The following TAFA5 variants were observed in gnomAD, a reference collection of about 807,000 sequenced individuals.
The protein encoded by TAFA5 is TAFA chemokine like family member 5.
Under a neutral mutation model 15.3 loss-of-function variants are expected in TAFA5, and 6 were observed. That is an observed-to-expected ratio of 0.39 (90% CI 0.21 to 0.77). The LOEUF (loss-of-function observed/expected upper bound fraction) is 0.77. TAFA5 is among the 30% of genes least tolerant of loss of function. The pLI is 0.41. For synonymous variants in TAFA5, 103 were observed against 80.7 expected (o/e 1.28, Z -1.48); for missense variants, 161 against 193.1 (o/e 0.83, Z 0.98).
At chr22:48,574,991 G>C (rs1313860510) in intron 1 of TAFA5, among the ~76,000 whole-genome samples, 1 of 152,224 alleles carries the variant, frequency 6.6e-6, no homozygotes, top group Non-Finnish European at 1.5e-5. Context: ...CTGGAGGGTG[G>C]TACACAGTAG....
At chr22:48,633,908 C>T (rs890775033) in intron 1 of TAFA5, among the ~76,000 whole-genome samples, 6 of 152,206 alleles carry the variant, frequency 3.9e-5, no homozygotes, top group Non-Finnish European at 5.9e-5. Flanking sequence ...GTTTATTTCT[C>T]ACAATCGTGG....
At chr22:48,574,506 A>G (rs1923692365) in intron 1 of TAFA5, among the ~76,000 whole-genome samples, 2 of 152,066 alleles carry the variant, frequency 1.3e-5, no homozygotes, top group South Asian at 4.2e-4. Flanking sequence ...GCCTTGATCT[A>G]TCTGACCTCC....
At chr22:48,572,605 C>CT (rs961502791) in intron 1 of TAFA5, among the ~76,000 whole-genome samples, 9 of 152,128 alleles carry the variant, frequency 5.9e-5, no homozygotes, top group Admixed American at 3.9e-4. Context: ...AGGTTCCTGG[C>CT]TTTTTTTGTG....
chr22:48,696,057 C>G (rs1928701276), intron 2 of TAFA5, among the ~76,000 whole-genome samples: 1 of 152,164 alleles, frequency 6.6e-6, no homozygotes, highest in Admixed American at 6.5e-5. Flanking sequence ...CCCCGGACCC[C>G]TGGTCCGTAG....
chr22:48,612,799 G>C (rs1202149548), intron 1 of TAFA5, among the ~76,000 whole-genome samples: 3 of 152,172 alleles, frequency 2.0e-5, no homozygotes, highest in African/African-American at 7.2e-5. Flanking sequence ...GCCCGCTGAT[G>C]TGTCTCCATG....
chr22:48,580,750 G>A (rs1924006884), intron 1 of TAFA5, among the ~76,000 whole-genome samples: 1 of 152,206 alleles, frequency 6.6e-6, no homozygotes, highest in African/African-American at 2.4e-5. Context: ...GTCTTGGCAT[G>A]GGGCTGCCCC....
chr22:48,717,797 A>G (rs1413300292), intron 3 of TAFA5, among the ~76,000 whole-genome samples: 1 of 152,214 alleles, frequency 6.6e-6, no homozygotes, highest in Non-Finnish European at 1.5e-5. Flanking sequence ...GTGATGGCCC[A>G]GTTGAATTGG....
intron 2 of TAFA5, among the ~76,000 whole-genome samples, chr22:48,670,886 C>A (rs1341539717): frequency 6.6e-6 from 1 of 152,166 alleles, no homozygotes; most frequent in Non-Finnish European, 1.5e-5. Flanking sequence ...AGGGAAACAC[C>A]GTTCCCAAAG....
intron 3 of TAFA5, among the ~76,000 whole-genome samples, chr22:48,744,098 T>C (rs1311100437): frequency 3.9e-5 from 6 of 152,218 alleles, no homozygotes; most frequent in Non-Finnish European, 1.5e-5. Flanking sequence ...CCTGCACTTG[T>C]GCAGCCCCAC....
Position 48,750,699 on chromosome 22 carries a change from C to A in TAFA5, c.*852C>A, listed in dbSNP as rs972176456. ...GATAGTTGGATAATCCAGTATCTGC[C>A]AAGAGCATGTTGGGTCTCCCGTGAC... On this transcript the variant is annotated 3_prime_UTR_variant, in exon 4 of 4. Coordinates refer to ENST00000402357, the MANE Select transcript of TAFA5 (RefSeq NM_001082967.3). 7 of 153,052 alleles carry A rather than the reference C, an allele frequency of 4.6e-5. No individual in the cohort carries two copies. The highest frequency in any genetic ancestry group is 1.7e-4 in the African/African-American group (7 of 41,442). 9.5% of individuals were successfully genotyped at this position (153,052 alleles called of 1,614,324 possible).
intron 1 of TAFA5, chr22:48,539,414 G>A (rs780659843): frequency 2.1e-6 from 1 of 471,102 alleles, no homozygotes; most frequent in East Asian, 6.9e-5. Flanking sequence ...CTGTTTCCCA[G>A]GCAGGAAAAG....
intron 1 of TAFA5, among the ~76,000 whole-genome samples, chr22:48,605,194 AATGGTGATGATGGTGGTGATGGTGG>A (rs1925120415): frequency 3.1e-3 from 2 of 650 alleles, no homozygotes; most frequent in Non-Finnish European, 2.3e-3. Context: ...TGGTGGTGGT[AATGGTGATGATGGTGGTGATGGTGG>A]TGATGGTGAT....
intron 1 of TAFA5, among the ~76,000 whole-genome samples, chr22:48,604,792 G>A (rs1325158615): frequency 6.6e-6 from 1 of 152,190 alleles, no homozygotes; most frequent in Non-Finnish European, 1.5e-5. Context: ...GGCAGGCTGG[G>A]GGCCTCTCTA....
intron 1 of TAFA5, among the ~76,000 whole-genome samples, chr22:48,553,508 C>T (rs530172997): frequency 1.4e-3 from 218 of 152,284 alleles, no homozygotes; most frequent in African/African-American, 4.3e-3. Context: ...GAGACCTGCA[C>T]CAGGGACAGG....
chr22:48,527,547 C>T (rs1921822064), intron 1 of TAFA5, among the ~76,000 whole-genome samples: 1 of 152,232 alleles, frequency 6.6e-6, no homozygotes, highest in African/African-American at 2.4e-5. Flanking sequence ...GGACATGGTG[C>T]ACAGTCCTTG....
Position 48,548,340 on chromosome 22 carries a change from G to A in TAFA5, c.112+58636G>A, listed in dbSNP as rs569952349. 1.8e-3 allele frequency among the ~76,000 whole-genome samples: 271 copies of A among 152,306 alleles called. 3 individuals carry two copies. The highest frequency in any genetic ancestry group is 6.3e-3 in the African/African-American group (261 of 41,570). Reference sequence around the variant, plus strand: ...CATCTCCCTGCCCTCCTGCTCCCTCGCCCCGCCGACTGTGGAGATGACTCG... The same window carrying A: ...CATCTCCCTGCCCTCCTGCTCCCTCACCCCGCCGACTGTGGAGATGACTCG... On this transcript the variant is annotated intron_variant, in intron 1 of 3. Coordinates refer to ENST00000402357, the MANE Select transcript of TAFA5 (RefSeq NM_001082967.3).
intron 2 of TAFA5, among the ~76,000 whole-genome samples, chr22:48,693,969 T>A (rs62224997): frequency 6.6e-6 from 1 of 152,158 alleles, no homozygotes; most frequent in Non-Finnish European, 1.5e-5. Context: ...TGTAGACGAT[T>A]CAGCATCTCC....
chr22:48,494,640 G>T (rs1164759073), intron 1 of TAFA5, among the ~76,000 whole-genome samples: 1 of 152,176 alleles, frequency 6.6e-6, no homozygotes, highest in Non-Finnish European at 1.5e-5. Context: ...CCCCTGATCT[G>T]CCCCCAGTGT....
intron 2 of TAFA5, among the ~76,000 whole-genome samples, chr22:48,668,844 G>A (rs1927710055): frequency 6.6e-6 from 1 of 152,220 alleles, no homozygotes; most frequent in South Asian, 2.1e-4. Context: ...CCCTCCTGGT[G>A]GAGGCTGCTG....
Sources: gnomAD v4.1 joint callset for allele counts (sites outside exome capture counted in the v4.1 genomes callset) on GRCh38, gnomAD v4.1.1 for gene constraint, MANE v1.5 for transcripts, NCBI Gene and HGNC (gene_info 2026-07-23, HGNC 2026-07-21) for gene names.